The following NMT2 variants were observed in gnomAD, a reference collection of about 807,000 sequenced individuals.
NMT2 encodes N-myristoyltransferase 2.
In NMT2, 35 loss-of-function variants were observed where a neutral mutation model predicts 65.4. That is an observed-to-expected ratio of 0.54 (90% confidence interval 0.41 to 0.71). NMT2 has a LOEUF of 0.71. NMT2 is among the 30% of genes least tolerant of loss of function. NMT2 has a pLI of 0.00. For synonymous variants in NMT2, 226 were observed against 231.8 expected (o/e 0.98, Z 0.23); for missense variants, 489 against 611.3 (o/e 0.80, Z 2.11).
At chr10:15,122,890 T>G (rs1845969565) in intron 8 of NMT2, among the ~76,000 whole-genome samples, 2 of 151,236 alleles carry the variant, frequency 1.3e-5, no homozygotes. Context: ...CAGACGAGAA[T>G]GAAAGTGAAA....
chr10:15,150,179 A>T (rs1832753149), intron 1 of NMT2, among the ~76,000 whole-genome samples: 2 of 152,112 alleles, frequency 1.3e-5, no homozygotes, highest in Admixed American at 6.5e-5. Context: ...GAGAATTCAC[A>T]CCCACCGTTG....
chr10:15,108,914 C>G lies in NMT2; in HGVS notation c.*281G>C. On this transcript the variant is annotated 3_prime_UTR_variant, in exon 12 of 12. Transcript: ENST00000378165. The stretch of plus-strand genomic sequence containing the variant: ...TCCCTTTTCTAAGGGTGAAAAAATA[C>G]CTCTTCAAGAGACAGGCAAAAATTT... The G allele has an allele frequency of 8.5e-7, 1 of 1,182,546 alleles. No individual in the cohort carries two copies. Among genetic ancestry groups the G allele is most frequent in the South Asian group, 2.2e-5 (1 of 46,094 alleles). 73.3% of individuals were successfully genotyped at this position (1,182,546 alleles called of 1,614,324 possible).
At chr10:15,150,377 T>C (rs1182716500) in intron 1 of NMT2, among the ~76,000 whole-genome samples, 2 of 152,218 alleles carry the variant, frequency 1.3e-5, no homozygotes, top group Non-Finnish European at 2.9e-5. Context: ...TTCATTTGTG[T>C]AATTCCAGTA....
intron 1 of NMT2, among the ~76,000 whole-genome samples, chr10:15,158,973 C>T (rs1175926628): frequency 1.3e-5 from 2 of 152,208 alleles, no homozygotes; most frequent in Non-Finnish European, 2.9e-5. Flanking sequence ...TAGGCTTCAA[C>T]ATATGAATTG....
In NMT2 at chr10:15,109,226, G is replaced by A. The variant is rs760625097; in HGVS notation, c.1477-11C>T. 14 of 1,602,046 alleles carry A rather than the reference G, an allele frequency of 8.7e-6. No homozygotes were observed. In the South Asian group the frequency reaches 1.5e-4, roughly 17 times the overall value. On this transcript the variant is annotated splice_polypyrimidine_tract_variant and intron_variant, in intron 11 of 11. Transcript: ENST00000378165. ...TAGTACTAGTCCAACCTGAAGGGAG[G>A]GAAGAAATGGAATAGTAAGAAAAAT...
intron 1 of NMT2, among the ~76,000 whole-genome samples, chr10:15,155,535 GTTTTTTTTTTT>G (rs71390015): frequency 2.0e-4 from 12 of 59,338 alleles, no homozygotes; most frequent in African/African-American, 6.0e-4. Flanking sequence ...TGCCGGGCTA[GTTTTTTTTTTT>G]TTTTTTTTTT....
intron 1 of NMT2, among the ~76,000 whole-genome samples, chr10:15,163,096 C>T (rs7922847): frequency 0.1 from 15,333 of 151,862 alleles, 2,161 homozygotes; most frequent in African/African-American, 0.32. Context: ...TTTATTTCAT[C>T]GAGATAGGGT....
At chr10:15,162,891 A>G (rs1423342210) in intron 1 of NMT2, among the ~76,000 whole-genome samples, 1 of 148,678 alleles carries the variant, frequency 6.7e-6, no homozygotes, top group Non-Finnish European at 1.5e-5. Context: ...TGATATTTAT[A>G]TATGTGATAT....
chr10:15,109,577 A>G (rs1564555244), intron 11 of NMT2, 125 bp downstream of exon 11: 2 of 738,554 alleles, frequency 2.7e-6, no homozygotes, highest in Non-Finnish European at 3.8e-6. Context: ...TCTCAAAAAA[A>G]TAAATAAATA....
At chr10:15,143,841 T>G (rs1846863021) in intron 1 of NMT2, among the ~76,000 whole-genome samples, 1 of 152,074 alleles carries the variant, frequency 6.6e-6, no homozygotes, top group African/African-American at 2.4e-5. Context: ...GGCAACAGAG[T>G]GAGACCCTGT....
Position 15,145,753 on chromosome 10 carries a change from T to C in NMT2, c.111-4196A>G, listed in dbSNP as rs371498855. Reference sequence around the variant, plus strand: ...CAAATGAAACAGAAGTGTTGACAGGTGACACTCCTGTCCCTGGGGGTGACA... The same window carrying C: ...CAAATGAAACAGAAGTGTTGACAGGCGACACTCCTGTCCCTGGGGGTGACA... On this transcript the variant is annotated intron_variant, in intron 1 of 11. Transcript: ENST00000378165. Among the ~76,000 whole-genome samples, 14 of 152,226 alleles carry C rather than the reference T, an allele frequency of 9.2e-5. No homozygotes were observed. The South Asian group carries it at 2.7e-3, about 29-fold the overall frequency.
chr10:15,150,020 G>A (rs1254149024), intron 1 of NMT2, among the ~76,000 whole-genome samples: 30 of 152,236 alleles, frequency 2.0e-4, no homozygotes, highest in Non-Finnish European at 2.9e-5. Flanking sequence ...TTTGTGCTAC[G>A]TGTGTGCACA....
At chr10:15,125,603 T>A (rs915073800) in intron 8 of NMT2, among the ~76,000 whole-genome samples, 2 of 152,114 alleles carry the variant, frequency 1.3e-5, no homozygotes, top group African/African-American at 4.8e-5. Flanking sequence ...TTGCCCATAG[T>A]GAAAAAAAGA....
chr10:15,123,549 A>G (rs1267992355), intron 8 of NMT2, among the ~76,000 whole-genome samples: 3 of 151,582 alleles, frequency 2.0e-5, no homozygotes, highest in East Asian at 1.9e-4. Context: ...AAAAAAAAAA[A>G]AAAAAAGAAA....
intron 1 of NMT2, among the ~76,000 whole-genome samples, chr10:15,147,145 A>G (rs1564583186): frequency 6.7e-6 from 1 of 148,332 alleles, no homozygotes; most frequent in Non-Finnish European, 1.5e-5. Context: ...AGTGACATCA[A>G]AGGAGCTCAA....
chr10:15,107,563 C>G lies in NMT2; in HGVS notation c.*1632G>C. The G allele has an allele frequency of 1.8e-6, 1 of 548,436 alleles. No homozygotes were observed. The highest frequency in any genetic ancestry group is 2.3e-6 in the Non-Finnish European group (1 of 431,232). 34.0% of individuals were successfully genotyped at this position (548,436 alleles called of 1,614,324 possible). Reference sequence around the variant, plus strand: ...CGCCTCCTGGGTTCAAGTGATTCTCCTGCCTCAGCCTCCTAGCAGCTGGGA... The same window carrying G: ...CGCCTCCTGGGTTCAAGTGATTCTCGTGCCTCAGCCTCCTAGCAGCTGGGA... On this transcript the variant is annotated 3_prime_UTR_variant, in exon 12 of 12. Coordinates refer to ENST00000378165, the MANE Select transcript of NMT2 (RefSeq NM_004808.3).
chr10:15,143,097 G>A (rs1471014763), intron 1 of NMT2, among the ~76,000 whole-genome samples: 2 of 152,200 alleles, frequency 1.3e-5, no homozygotes, highest in Non-Finnish European at 2.9e-5. Flanking sequence ...TGGAATGAAT[G>A]AGTGGATAAG....
At chr10:15,117,909 G>A (rs1483727678) in intron 9 of NMT2, among the ~76,000 whole-genome samples, 1 of 152,220 alleles carries the variant, frequency 6.6e-6, no homozygotes, top group Non-Finnish European at 1.5e-5. Context: ...GACATTCCAT[G>A]TTCATGGACT....
Position 15,119,363 on chromosome 10 carries a change from TA to T in NMT2, c.1149del (p.Ile384LeufsTer5). 1 of 1,614,196 alleles carries T rather than the reference TA, an allele frequency of 6.2e-7. No homozygotes were observed. The highest frequency in any genetic ancestry group is 8.5e-7 in the Non-Finnish European group (1 of 1,180,030). On this transcript the variant is annotated frameshift_variant, in exon 9 of 12. Transcript: ENST00000378165. LOFTEE classifies it high-confidence loss of function. ...TTTACCTCCACTACAAACGTGTCAA[TA>T]ATGTGCTCCCGGGGGAGGAACCAGT... ...VAHWFLPREH[I>X]IDTFVVESPN... is the part of the protein sequence containing the mutation.
Sources: allele counts gnomAD v4.1 joint callset (sites outside exome capture counted in the v4.1 genomes callset), GRCh38; gene constraint gnomAD v4.1.1; transcripts MANE v1.5; gene names NCBI Gene and HGNC (gene_info 2026-07-23, HGNC 2026-07-21).